PLXNC1: variants seen among roughly 807,000 people sequenced by gnomAD.
The protein encoded by PLXNC1 is plexin-C1.
Under a neutral mutation model 178.2 loss-of-function variants are expected in PLXNC1, and 75 were observed. The observed-to-expected ratio is 0.42, with a 90% CI of 0.35 to 0.51. The LOEUF (loss-of-function observed/expected upper bound fraction) is 0.51, where lower values mean the gene tolerates loss of function less well. Ranked by LOEUF, PLXNC1 falls within the 20% of genes least tolerant of loss-of-function variation. The pLI is 0.02. For synonymous variants in PLXNC1, 790 were observed against 779.9 expected, an observed-to-expected ratio of 1.01 and a Z score of -0.22; for missense variants, 1,503 against 1,984.4, an observed-to-expected ratio of 0.76 and a Z score of 4.61.
rs763485097 is a variant in PLXNC1, at chr12:94,237,748, C to T, written c.2065C>T (p.Arg689Trp). ...GATAGTAACGGGAGCAAACTTTACC[C>T]GGGCATCGAACATCACAATGATCCT... ...NVIVTGANFTRASNITMILKG... is the reference protein window; with the variant it reads ...NVIVTGANFTWASNITMILKG... The change falls in exon 10 of 31, where the codon CGG becomes TGG. Residue 689 changes from arginine (R) to tryptophan (W), a missense_variant. Around this residue, in one of 4 missense-constraint regions of PLXNC1, gnomAD observed 615 missense variants for 698.6 expected, o/e 0.88. Coordinates refer to ENST00000258526, the MANE Select transcript of PLXNC1 (RefSeq NM_005761.3). The T allele has an allele frequency of 5.5e-5, 88 of 1,613,774 alleles. 1 individual carries two copies. The highest frequency in any genetic ancestry group is 5.1e-4 in the South Asian group (46 of 91,076).
chr12:94,301,486 C>T (rs575031056), intron 28 of PLXNC1, among the ~76,000 whole-genome samples: 3 of 152,238 alleles, frequency 2.0e-5, no homozygotes, highest in Admixed American at 6.5e-5. Context: ...TCTAACAATA[C>T]CAGTTTGTCA....
intron 17 of PLXNC1, 31 bp from the exon 18 acceptor site, chr12:94,259,306 A>G (rs755737411): frequency 6.5e-7 from 1 of 1,529,122 alleles, no homozygotes; most frequent in Non-Finnish European, 9.0e-7. Context: ...TTTGGATGTT[A>G]TGAATAATAA....
At chr12:94,205,566 C>T (rs559342094) in intron 4 of PLXNC1, among the ~76,000 whole-genome samples, 15 of 152,158 alleles carry the variant, frequency 9.9e-5, no homozygotes, top group East Asian at 1.9e-4. Flanking sequence ...TGCAAGAAAA[C>T]CTTTTTGGGA....
Position 94,305,606 on chromosome 12 carries a change from A to G in PLXNC1, c.*321A>G, listed in dbSNP as rs1055966571. ...GTCTCCACTTAAGCACAATGATATA[A>G]GTGGTTTTGTTTGAAAACTACAGCT... is the stretch of plus-strand genomic sequence containing the variant. On this transcript the variant is annotated 3_prime_UTR_variant, in exon 31 of 31. Coordinates refer to ENST00000258526, the MANE Select transcript of PLXNC1 (RefSeq NM_005761.3). 1 of 232,902 alleles carries G rather than the reference A, an allele frequency of 4.3e-6. No homozygotes were observed. Among genetic ancestry groups the G allele is most frequent in the African/African-American group, 2.3e-5 (1 of 44,160 alleles). The allele number at this position is 232,902 out of a possible 1,614,324, so 14.4% of individuals were successfully genotyped here.
chr12:94,196,652 A>C (rs1174654920), intron 4 of PLXNC1, among the ~76,000 whole-genome samples: 1 of 152,178 alleles, frequency 6.6e-6, no homozygotes, highest in Admixed American at 6.5e-5. Flanking sequence ...GATGGATGTG[A>C]CTGTTCCTCA....
At chr12:94,216,904 A>G (rs1963660803) in intron 5 of PLXNC1, among the ~76,000 whole-genome samples, 1 of 152,122 alleles carries the variant, frequency 6.6e-6, no homozygotes, top group Admixed American at 6.5e-5. Flanking sequence ...GATTCACGAA[A>G]AAGCCATCAG....
At chr12:94,159,190 C>T (rs569817224) in intron 1 of PLXNC1, among the ~76,000 whole-genome samples, 34 of 152,192 alleles carry the variant, frequency 2.2e-4, no homozygotes, top group Non-Finnish European at 4.0e-4. Context: ...GTTACTTTTA[C>T]ATTAAGATGA....
intron 7 of PLXNC1, among the ~76,000 whole-genome samples, chr12:94,224,732 G>A (rs909407069): frequency 4.6e-5 from 7 of 151,966 alleles, no homozygotes; most frequent in African/African-American, 1.2e-4. Flanking sequence ...ATAGTGAGAC[G>A]CCATCGCTAC....
intron 4 of PLXNC1, among the ~76,000 whole-genome samples, chr12:94,201,229 G>A (rs1963106538): frequency 6.6e-6 from 1 of 152,238 alleles, no homozygotes; most frequent in South Asian, 2.1e-4. Context: ...AAACAGAGCT[G>A]TGATTAAGAA....
intron 20 of PLXNC1, chr12:94,262,446 G>A: frequency 1.0e-6 from 1 of 968,566 alleles, no homozygotes; most frequent in African/African-American, 1.8e-5. Context: ...GGCATTAGAG[G>A]GGTGAGATGT....
chr12:94,237,378 G>A (rs551617783), intron 9 of PLXNC1, among the ~76,000 whole-genome samples: 1 of 152,308 alleles, frequency 6.6e-6, no homozygotes, highest in Admixed American at 6.5e-5. Context: ...AAACTCTAGT[G>A]ATACCTCACT....
rs185908811 is a variant in PLXNC1, at chr12:94,233,832, C to T, written c.1981-3832C>T. ...CTTTCCCATTTCCACGGCTGGTTAC[C>T]ACTCTTACCAATTTATACATTTCAT... On this transcript the variant is annotated intron_variant, in intron 9 of 30. Transcript: ENST00000258526. Among the ~76,000 whole-genome samples, 615 of 152,166 alleles carry T rather than the reference C, an allele frequency of 4.0e-3. 5 individuals carry two copies. Among genetic ancestry groups the T allele is most frequent in the African/African-American group, 0.014 (574 of 41,526 alleles).
chr12:94,160,987 T>C (rs1194953796), intron 1 of PLXNC1, among the ~76,000 whole-genome samples: 1 of 152,276 alleles, frequency 6.6e-6, no homozygotes, highest in Non-Finnish European at 1.5e-5. Context: ...ATCTGATTTC[T>C]TTTGGTGACA....
At chr12:94,223,033 C>A (rs952079463) in intron 6 of PLXNC1, among the ~76,000 whole-genome samples, 1 of 152,174 alleles carries the variant, frequency 6.6e-6, no homozygotes, top group African/African-American at 2.4e-5. Context: ...ACTTTGGGAA[C>A]CACACACTAA....
chr12:94,250,556 C>CA (rs1964654418), intron 14 of PLXNC1, among the ~76,000 whole-genome samples: 1 of 152,144 alleles, frequency 6.6e-6, no homozygotes, highest in Admixed American at 6.5e-5. Context: ...AGGATGGAAA[C>CA]ACGCCTTAAT....
intron 1 of PLXNC1, chr12:94,158,264 C>G (rs1961249759): frequency 6.6e-6 from 1 of 152,276 alleles, no homozygotes; most frequent in Non-Finnish European, 1.5e-5. Context: ...GAAGGGAGTT[C>G]TAGAGAGAAG....
chr12:94,291,737 A>G (rs1295741644), intron 23 of PLXNC1, among the ~76,000 whole-genome samples: 2 of 152,174 alleles, frequency 1.3e-5, no homozygotes, highest in African/African-American at 2.4e-5. Flanking sequence ...CGATCTGTCT[A>G]TATAAATTTG....
intron 6 of PLXNC1, among the ~76,000 whole-genome samples, chr12:94,221,968 A>G (rs1327291208): frequency 1.3e-5 from 2 of 152,198 alleles, no homozygotes; most frequent in African/African-American, 4.8e-5. Context: ...CATAGCACCC[A>G]ATTGATCCTA....
intron 4 of PLXNC1, among the ~76,000 whole-genome samples, chr12:94,193,924 GTGTT>G (rs1962818385): frequency 6.6e-6 from 1 of 152,182 alleles, no homozygotes; most frequent in Non-Finnish European, 1.5e-5. Context: ...GAAAGGTCCT[GTGTT>G]TGTCTGTTTT....
Sources: allele counts gnomAD v4.1 joint callset (sites outside exome capture counted in the v4.1 genomes callset), GRCh38; gene constraint gnomAD v4.1.1; regional missense constraint gnomAD v4.1.1; transcripts MANE v1.5; gene names NCBI Gene and HGNC (gene_info 2026-07-23, HGNC 2026-07-21).